Variants in MAP2 observed in about 807,000 individuals in gnomAD.
MAP2 encodes microtubule-associated protein 2.
MAP2 carries 14 observed loss-of-function variants against 137.6 expected under a neutral mutation model. The observed-to-expected ratio is 0.10, with a 90% CI of 0.07 to 0.16. The LOEUF (loss-of-function observed/expected upper bound fraction) is 0.16. Ranked by LOEUF, MAP2 falls within the 10% of genes least tolerant of loss-of-function variation. The pLI, the probability that MAP2 is intolerant of heterozygous loss-of-function variation, is 1.00. For missense variants in MAP2, 2,088 were observed against 2,191.5 expected, an observed-to-expected ratio of 0.95 and a Z score of 0.94; for synonymous variants, 786 against 782.3, an observed-to-expected ratio of 1.00 and a Z score of -0.08.
chr2:209,730,387 A>G lies in MAP2; in HGVS notation c.5474A>G (p.Gln1825Arg), dbSNP rs1422079182. 2 of 1,613,172 alleles carry G rather than the reference A, an allele frequency of 1.2e-6. No homozygotes were observed. Among genetic ancestry groups the G allele is most frequent in the Admixed American group, 1.7e-5 (1 of 59,938 alleles). Reference protein sequence around the residue: ...AEDVTAALAKQGL With the variant: ...AEDVTAALAKRGL ...GATGTCACTGCTGCACTCGCTAAGCAGGGCTTGTGAATATTTCTCATTTAG... is the reference window on the plus strand; with the variant it reads ...GATGTCACTGCTGCACTCGCTAAGCGGGGCTTGTGAATATTTCTCATTTAG... The change falls in exon 16 of 16, where the codon CAG becomes CGG. Residue 1825 changes from glutamine (Q) to arginine (R), a missense_variant. By Grantham distance (43) the Gln-to-Arg change is conservative. Around this residue, in one of 6 missense-constraint regions of MAP2, gnomAD observed 112 missense variants for 201.0 expected, o/e 0.56. Transcript: ENST00000682079.
rs1559504142 is a variant in MAP2, at chr2:209,661,538, G to C, written c.262+8106G>C. The C allele has an allele frequency of 9.1e-6, 9 of 985,354 alleles. No individual in the cohort carries two copies. In the Admixed American group the frequency reaches 1.8e-4, roughly 20 times the overall value. 61.0% of individuals were successfully genotyped at this position (985,354 alleles called of 1,614,324 possible). A position where few individuals can be genotyped will look rare whatever the true frequency, so the allele number is the denominator to read the frequency against. On this transcript the variant is annotated intron_variant, in intron 5 of 15. Transcript: ENST00000682079. The stretch of plus-strand genomic sequence containing the variant: ...CTGCAGAAAATCACACAGCCTCACT[G>C]CGAAGCATCTGGGCCTGGTGGCACC...
At chr2:209,626,951 T>G (rs2092410853) in intron 4 of MAP2, among the ~76,000 whole-genome samples, 1 of 152,176 alleles carries the variant, frequency 6.6e-6, no homozygotes, top group Admixed American at 6.5e-5. Flanking sequence ...AAGTTTTTAA[T>G]ATATAATATC....
At chr2:209,673,082 C>G (rs1255524901) in intron 5 of MAP2, among the ~76,000 whole-genome samples, 1 of 151,848 alleles carries the variant, frequency 6.6e-6, no homozygotes, top group Non-Finnish European at 1.5e-5. Flanking sequence ...CACTTTTTAT[C>G]TTCAGATGTT....
At chr2:209,672,204 T>A (rs1430878168) in intron 5 of MAP2, among the ~76,000 whole-genome samples, 1 of 151,796 alleles carries the variant, frequency 6.6e-6, no homozygotes, top group Non-Finnish European at 1.5e-5. Flanking sequence ...AAATTTACCT[T>A]ATGTTCCTTT....
chr2:209,647,190 TA>T (rs954854949), intron 4 of MAP2, among the ~76,000 whole-genome samples: 8 of 152,004 alleles, frequency 5.3e-5, no homozygotes, highest in Admixed American at 3.9e-4. Context: ...GGGATGGTGC[TA>T]AACCATTCAT....
intron 10 of MAP2, among the ~76,000 whole-genome samples, 187 bp downstream of exon 10, chr2:209,697,238 C>T (rs73072898): frequency 0.067 from 10,192 of 151,934 alleles, 633 homozygotes; most frequent in African/African-American, 0.16. Flanking sequence ...AAGGTCATGA[C>T]CATCTGTTTC....
intron 1 of MAP2, among the ~76,000 whole-genome samples, chr2:209,490,341 A>G (rs540699584): frequency 2.0e-5 from 3 of 152,220 alleles, no homozygotes; most frequent in South Asian, 2.1e-4. Context: ...TGTAAAGACC[A>G]TCGACACTAT....
In MAP2 at chr2:209,434,935, A is replaced by T. The variant is rs1057365845; in HGVS notation, c.-222+10659A>T. Among the ~76,000 whole-genome samples, 5 of 143,678 alleles carry T rather than the reference A, an allele frequency of 3.5e-5. No individual in the cohort carries two copies. The East Asian group carries it at 7.9e-4, about 23-fold the overall frequency. 94.3% of individuals were successfully genotyped at this position (143,678 alleles called of 152,430 possible). A position where few individuals can be genotyped will look rare whatever the true frequency, so the allele number is the denominator to read the frequency against. The stretch of plus-strand genomic sequence containing the variant: ...TATATATATGTTATATATATATGTT[A>T]TATATATGTGTTTTATATATATAAA... On this transcript the variant is annotated intron_variant, in intron 1 of 15. Transcript: ENST00000682079.
At chr2:209,486,955 C>T (rs2149910817) in intron 1 of MAP2, among the ~76,000 whole-genome samples, 1 of 152,290 alleles carries the variant, frequency 6.6e-6, no homozygotes, top group South Asian at 2.1e-4. Context: ...ACTTTTGCTG[C>T]AGCTACATTT....
chr2:209,541,964 T>A (rs889010229), intron 2 of MAP2, among the ~76,000 whole-genome samples: 1 of 152,252 alleles, frequency 6.6e-6, no homozygotes, highest in African/African-American at 2.4e-5. Flanking sequence ...CTTAATGGCA[T>A]CTAGGATAGT....
intron 1 of MAP2, among the ~76,000 whole-genome samples, chr2:209,426,576 C>T (rs1313688849): frequency 1.3e-5 from 2 of 152,188 alleles, no homozygotes; most frequent in Non-Finnish European, 2.9e-5. Flanking sequence ...GAAACTGGCA[C>T]AGCCATTACC....
At position 209,512,556 on chromosome 2, in the gene MAP2, T is replaced by TACACACAC. The variant is rs150144839; in HGVS notation, c.-172+4953_-172+4960dup. On this transcript the variant is annotated intron_variant, in intron 2 of 15. Transcript: ENST00000682079. ...TATTAATGAAAGAAGCCAGAAGTTA[T>TACACACAC]ACACACACACACACACACACACACA... Among the ~76,000 whole-genome samples the TACACACAC allele has an allele frequency of 5.5e-5, 8 of 144,920 alleles. No individual in the cohort carries two copies. The East Asian group carries it at 6.1e-4, about 11-fold the overall frequency.
chr2:209,668,776 G>A (rs1255933982), intron 5 of MAP2, among the ~76,000 whole-genome samples: 2 of 151,964 alleles, frequency 1.3e-5, no homozygotes, highest in African/African-American at 4.8e-5. Context: ...CCTTCTCTTG[G>A]GTTGTGGCTG....
In MAP2 at chr2:209,710,135, A is replaced by C; in HGVS notation, c.4954A>C (p.Lys1652Gln). The C allele has an allele frequency of 6.2e-7, 1 of 1,613,834 alleles. No individual in the cohort carries two copies. The highest frequency in any genetic ancestry group is 1.7e-4 in the Middle Eastern group (1 of 6,060). ...GGTCGCCATCATACGTACTCCTCCA[A>C]AATCTCCTGCGACTCCCAAGCAGCT... ...KKVAIIRTPP[K>Q]SPATPKQLRL... Residue 1652 changes from lysine (K) to glutamine (Q), a missense_variant, in exon 13 of 16, where the codon AAA becomes CAA. Physicochemically the swap from Lys to Gln is moderately conservative, Grantham distance 53. This residue lies in a region of MAP2 where 591 missense variants were observed against 642.6 expected (regional missense o/e 0.92). Transcript: ENST00000682079.
At chr2:209,609,874 G>A (rs1235462401) in intron 3 of MAP2, among the ~76,000 whole-genome samples, 1 of 152,018 alleles carries the variant, frequency 6.6e-6, no homozygotes, top group Non-Finnish European at 1.5e-5. Context: ...TATTATTTTA[G>A]ATGCTGGGTT....
intron 1 of MAP2, among the ~76,000 whole-genome samples, chr2:209,460,680 A>C (rs1012156971): frequency 6.7e-6 from 1 of 150,138 alleles, no homozygotes; most frequent in African/African-American, 2.5e-5. Context: ...AATTTATAAC[A>C]AATTTTCTCT....
chr2:209,464,794 T>C (rs1703724867), intron 1 of MAP2, among the ~76,000 whole-genome samples: 1 of 152,140 alleles, frequency 6.6e-6, no homozygotes, highest in South Asian at 2.1e-4. Context: ...ACAATGACAT[T>C]AATTAAAATT....
intron 2 of MAP2, among the ~76,000 whole-genome samples, chr2:209,569,422 A>G (rs571349420): frequency 9.2e-5 from 14 of 152,056 alleles, no homozygotes; most frequent in African/African-American, 3.4e-4. Flanking sequence ...TTCATGAACA[A>G]AACAGGCAGA....
intron 4 of MAP2, among the ~76,000 whole-genome samples, chr2:209,652,156 A>T (rs564219793): frequency 6.6e-6 from 1 of 152,254 alleles, no homozygotes; most frequent in South Asian, 2.1e-4. Context: ...ATATATCTAA[A>T]CTTGGTAATA....
Sources: gnomAD v4.1 joint callset for allele counts (sites outside exome capture counted in the v4.1 genomes callset) on GRCh38, gnomAD v4.1.1 for gene constraint, gnomAD v4.1.1 regional missense constraint, MANE v1.5 for transcripts, NCBI Gene and HGNC (gene_info 2026-07-23, HGNC 2026-07-21) for gene names.